The following BCAS3 variants were observed in gnomAD, a reference collection of about 807,000 sequenced individuals.
BCAS3 encodes BCAS4/BCAS3 fusion.
A neutral mutation model predicts 116.1 loss-of-function variants in BCAS3; 53 were observed. That is an observed-to-expected ratio of 0.46 (90% CI 0.37 to 0.57). The LOEUF is 0.57. Among genes scored for constraint, BCAS3 ranks in the 20% least tolerant of loss-of-function variants. BCAS3 has a pLI of 0.00. For synonymous variants in BCAS3, 391 were observed against 408.2 expected, an observed-to-expected ratio of 0.96 and a Z score of 0.51; for missense variants, 917 against 1,165.4, an observed-to-expected ratio of 0.79 and a Z score of 3.10.
intron 4 of BCAS3, among the ~76,000 whole-genome samples, chr17:60,703,127 T>C (rs1327022843): frequency 6.6e-6 from 1 of 150,654 alleles, no homozygotes; most frequent in African/African-American, 2.4e-5. Context: ...ATACAAAAAT[T>C]AGCTGGGTGT....
At chr17:60,819,433 G>A (rs1440192344) in intron 7 of BCAS3, among the ~76,000 whole-genome samples, 1 of 152,180 alleles carries the variant, frequency 6.6e-6, no homozygotes, top group Non-Finnish European at 1.5e-5. Context: ...TCTAAAGACT[G>A]TGTGAGATTA....
At chr17:61,357,472 T>A (rs1243227795) in intron 22 of BCAS3, among the ~76,000 whole-genome samples, 1 of 146,602 alleles carries the variant, frequency 6.8e-6, no homozygotes, top group African/African-American at 2.5e-5. Context: ...TGAAACAGAG[T>A]CTTGCTTTGT....
intron 22 of BCAS3, among the ~76,000 whole-genome samples, chr17:61,255,962 T>TC (rs1183896718): frequency 6.6e-6 from 1 of 152,188 alleles, no homozygotes; most frequent in East Asian, 1.9e-4. Flanking sequence ...TGCTCTCTTT[T>TC]CCCCTGAAAA....
intron 13 of BCAS3, among the ~76,000 whole-genome samples, chr17:60,939,292 G>T (rs938905822): frequency 6.6e-6 from 1 of 152,040 alleles, no homozygotes; most frequent in African/African-American, 2.4e-5. Flanking sequence ...ATTTAGCCAG[G>T]TGTGGTGACA....
chr17:60,793,026 T>C (rs932210170), intron 6 of BCAS3, among the ~76,000 whole-genome samples: 9 of 152,186 alleles, frequency 5.9e-5, no homozygotes, highest in Non-Finnish European at 7.3e-5. Context: ...ATTTCACTTA[T>C]AATGTTCTCA....
rs2051231946 is a variant in BCAS3, at chr17:61,281,377, C to T, written c.2426-86950C>T. ...ATTCCCAGGTCAAAGGATAAGTGAC[C>T]TAGGAATTTTTTGTAATTTAATTAT... On this transcript the variant is annotated intron_variant, in intron 22 of 23. Transcript: ENST00000407086. This position sits in a 1 kb window ranked among gnomAD's most constrained non-coding sequence, Gnocchi z 4.2. Among the ~76,000 whole-genome samples, 1 of 152,052 alleles carries T rather than the reference C, an allele frequency of 6.6e-6. No homozygotes were observed. Among genetic ancestry groups the T allele is most frequent in the Admixed American group, 6.5e-5 (1 of 15,272 alleles).
At chr17:60,999,336 G>A (rs1317872360) in intron 15 of BCAS3, among the ~76,000 whole-genome samples, 1 of 151,876 alleles carries the variant, frequency 6.6e-6, no homozygotes, top group Non-Finnish European at 1.5e-5. Flanking sequence ...TCAGAAGTTC[G>A]AGACCAGCCT....
At position 61,325,605 on chromosome 17, in the gene BCAS3, G is replaced by A. The variant is rs756876756; in HGVS notation, c.2426-42722G>A. On this transcript the variant is annotated intron_variant, in intron 22 of 23. Coordinates refer to ENST00000407086, the MANE Select transcript of BCAS3 (RefSeq NM_017679.5). This position sits in a 1 kb window ranked among gnomAD's most constrained non-coding sequence, Gnocchi z 6.4. Reference sequence around the variant, plus strand: ...AACAGCAGGCAGCACAGCCACTGCCGCAGGGAGCATTGATATATGGCCCAA... The same window carrying A: ...AACAGCAGGCAGCACAGCCACTGCCACAGGGAGCATTGATATATGGCCCAA... Among the ~76,000 whole-genome samples the A allele has an allele frequency of 3.9e-5, 6 of 152,162 alleles. No individual in the cohort carries two copies. Among genetic ancestry groups the A allele is most frequent in the African/African-American group, 4.8e-5 (2 of 41,442 alleles).
rs890436029 is a variant in BCAS3 at position 61,332,247 on chromosome 17, C to T, written c.2426-36080C>T. On this transcript the variant is annotated intron_variant, in intron 22 of 23. Coordinates refer to ENST00000407086, the MANE Select transcript of BCAS3 (RefSeq NM_017679.5). This position sits in a 1 kb window ranked among gnomAD's most constrained non-coding sequence, Gnocchi z 5.4. Reference sequence around the variant, plus strand: ...AAGGCATTCTTAGAACAGATACTGCCTGGTGACCCACCTAAAACAGTCTTA... The same window carrying T: ...AAGGCATTCTTAGAACAGATACTGCTTGGTGACCCACCTAAAACAGTCTTA... Among the ~76,000 whole-genome samples, 33 of 152,184 alleles carry T rather than the reference C, an allele frequency of 2.2e-4. No homozygotes were observed. Among genetic ancestry groups the T allele is most frequent in the Admixed American group, 1.9e-3 (29 of 15,278 alleles).
chr17:61,045,914 TA>T (rs1407885830), intron 19 of BCAS3, among the ~76,000 whole-genome samples: 2 of 28,504 alleles, frequency 7.0e-5, no homozygotes, highest in East Asian at 1.3e-3. Flanking sequence ...AATATATATT[TA>T]TATATATAAT....
intron 14 of BCAS3, among the ~76,000 whole-genome samples, chr17:60,948,622 TG>T (rs1400677841): frequency 1.3e-5 from 2 of 152,240 alleles, no homozygotes; most frequent in Non-Finnish European, 2.9e-5. Context: ...TCTAAAGTGA[TG>T]TTTCTCTTGA....
intron 19 of BCAS3, among the ~76,000 whole-genome samples, chr17:61,053,321 G>A (rs2069059272): frequency 6.6e-6 from 1 of 152,152 alleles, no homozygotes; most frequent in Non-Finnish European, 1.5e-5. Context: ...ATAAAGCCAT[G>A]CATTTGGGTT....
At chr17:60,949,554 G>A (rs573972234) in intron 14 of BCAS3, among the ~76,000 whole-genome samples, 1 of 152,284 alleles carries the variant, frequency 6.6e-6, no homozygotes, top group African/African-American at 2.4e-5. Flanking sequence ...GGAATTGCAG[G>A]TGTGAGTCAC....
intron 13 of BCAS3, among the ~76,000 whole-genome samples, chr17:60,944,460 AG>A (rs2060379933): frequency 6.6e-6 from 1 of 152,130 alleles, no homozygotes; most frequent in South Asian, 2.1e-4. Flanking sequence ...AAGAAATAAT[AG>A]CAATCCTACA....
intron 22 of BCAS3, among the ~76,000 whole-genome samples, chr17:61,289,092 C>T (rs1344199610): frequency 2.0e-5 from 3 of 152,216 alleles, no homozygotes; most frequent in Non-Finnish European, 2.9e-5. Context: ...GTTGGAACAA[C>T]TTGTTTCAGA....
chr17:60,929,295 C>T (rs974789675), intron 13 of BCAS3, among the ~76,000 whole-genome samples: 8 of 152,006 alleles, frequency 5.3e-5, no homozygotes, highest in African/African-American at 1.2e-4. Context: ...CGTGGTGGCA[C>T]GTGCCTGTAG....
At chr17:61,002,941 T>C (rs2064355230) in intron 15 of BCAS3, among the ~76,000 whole-genome samples, 2 of 152,054 alleles carry the variant, frequency 1.3e-5, no homozygotes, top group Admixed American at 1.3e-4. Context: ...TTTTATTTTT[T>C]ATCAAAGAAA....
At chr17:60,779,349 G>A (rs1205996606) in intron 6 of BCAS3, among the ~76,000 whole-genome samples, 1 of 151,494 alleles carries the variant, frequency 6.6e-6, no homozygotes, top group East Asian at 1.9e-4. Context: ...AGGTGCATAT[G>A]AAACGTAAGT....
rs1253503422 is a variant in BCAS3, at chr17:61,009,704, C to G, written c.1487-6047C>G. ...GTACACACAGATACACTGATAGTAACTTTAATATTTAACATAATCTGAAAT... is the reference window on the plus strand; with the variant it reads ...GTACACACAGATACACTGATAGTAAGTTTAATATTTAACATAATCTGAAAT... On this transcript the variant is annotated intron_variant, in intron 15 of 23. Coordinates refer to ENST00000407086, the MANE Select transcript of BCAS3 (RefSeq NM_017679.5). 2.6e-5 allele frequency among the ~76,000 whole-genome samples: 4 copies of G among 151,894 alleles called. No homozygotes were observed. In the East Asian group the frequency reaches 7.7e-4, roughly 29 times the overall value.
Sources: gnomAD v4.1 joint callset for allele counts (sites outside exome capture counted in the v4.1 genomes callset) on GRCh38, gnomAD v4.1.1 for gene constraint, Gnocchi (gnomAD v3.1) non-coding constraint, MANE v1.5 for transcripts, NCBI Gene and HGNC (gene_info 2026-07-23, HGNC 2026-07-21) for gene names.